Variants in ABLIM2 observed in about 807,000 individuals in gnomAD.
The protein encoded by ABLIM2 is actin binding LIM protein family member 2, also known as actin-binding LIM protein 2.
In ABLIM2, 53 loss-of-function variants were observed where a neutral mutation model predicts 97.7. That is an observed-to-expected ratio of 0.54 (90% CI 0.44 to 0.68). The LOEUF is 0.68. Among genes scored for constraint, ABLIM2 ranks in the 30% least tolerant of loss-of-function variants. ABLIM2 has a pLI of 0.00. For synonymous variants in ABLIM2, 361 were observed against 345.8 expected (o/e 1.04, Z -0.49); for missense variants, 835 against 867.2 (o/e 0.96, Z 0.47).
intron 9 of ABLIM2, among the ~76,000 whole-genome samples, chr4:8,037,499 C>A (rs1370570781): frequency 6.6e-6 from 1 of 152,068 alleles, no homozygotes; most frequent in African/African-American, 2.4e-5. Context: ...CACACACTGA[C>A]ACGTGCTCAC....
chr4:8,102,431 T>C (rs576509295), intron 2 of ABLIM2, among the ~76,000 whole-genome samples: 1 of 152,334 alleles, frequency 6.6e-6, no homozygotes, highest in Admixed American at 6.5e-5. Flanking sequence ...TTATTATCTG[T>C]CTCCTTGCAT....
intron 20 of ABLIM2, among the ~76,000 whole-genome samples, chr4:7,972,115 C>T (rs548884268): frequency 3.9e-5 from 6 of 152,312 alleles, no homozygotes; most frequent in South Asian, 4.1e-4. Flanking sequence ...GTCATAATGA[C>T]GGTGGCCATT....
At chr4:8,037,469 A>C (rs1465361125) in intron 9 of ABLIM2, among the ~76,000 whole-genome samples, 1 of 151,672 alleles carries the variant, frequency 6.6e-6, no homozygotes, top group East Asian at 1.9e-4. Context: ...CCCACATACT[A>C]GCACACACAT....
Position 8,124,871 on chromosome 4 carries a change from C to T in ABLIM2, c.11-18234G>A, listed in dbSNP as rs1271106866. ...ACCGGGTTCTGATTTCTACGCATCC[C>T]CACAGCCTGCTCTGGGTGTGCCTGC... On this transcript the variant is annotated intron_variant, in intron 1 of 20. Coordinates refer to ENST00000447017, the MANE Select transcript of ABLIM2 (RefSeq NM_001130083.2). This position sits in a 1 kb window ranked among gnomAD's most constrained non-coding sequence, Gnocchi z 6.1. 6.6e-6 allele frequency among the ~76,000 whole-genome samples: 1 copy of T among 152,056 alleles called. No individual in the cohort carries two copies. Among genetic ancestry groups the T allele is most frequent in the Non-Finnish European group, 1.5e-5 (1 of 67,998 alleles).
chr4:7,973,154 T>A (rs1411770694), intron 20 of ABLIM2, among the ~76,000 whole-genome samples: 1 of 142,838 alleles, frequency 7.0e-6, no homozygotes, highest in African/African-American at 2.6e-5. Context: ...CCAGGAAGAA[T>A]AAAGTGCATG....
chr4:8,024,064 A>T (rs1255278850), intron 12 of ABLIM2, among the ~76,000 whole-genome samples: 1 of 152,178 alleles, frequency 6.6e-6, no homozygotes, highest in Non-Finnish European at 1.5e-5. Flanking sequence ...TTTGCAGCTG[A>T]AGGAATGGCC....
chr4:8,019,107 T>C lies in ABLIM2; in HGVS notation c.1423+511A>G, dbSNP rs1771638919. ...AGCAGAGCTGGGCGTCAGCTCCTATTTGCTTATGCAAGAAATCTCCGTAAC... is the reference window on the plus strand; with the variant it reads ...AGCAGAGCTGGGCGTCAGCTCCTATCTGCTTATGCAAGAAATCTCCGTAAC... On this transcript the variant is annotated intron_variant, in intron 14 of 20. Coordinates refer to ENST00000447017, the MANE Select transcript of ABLIM2 (RefSeq NM_001130083.2). This position sits in a 1 kb window ranked among gnomAD's most constrained non-coding sequence, Gnocchi z 4.3. Among the ~76,000 whole-genome samples the C allele has an allele frequency of 6.6e-6, 1 of 152,240 alleles. No homozygotes were observed. The highest frequency in any genetic ancestry group is 2.4e-5 in the African/African-American group (1 of 41,464).
At chr4:8,029,464 T>A (rs1779444961) in intron 11 of ABLIM2, among the ~76,000 whole-genome samples, 192 bp downstream of exon 11, 1 of 150,536 alleles carries the variant, frequency 6.6e-6, no homozygotes, top group South Asian at 2.1e-4. Context: ...CATGAGGAGG[T>A]CCTTTTCTTT....
intron 12 of ABLIM2, among the ~76,000 whole-genome samples, chr4:8,027,020 GGGAGC>G (rs1161473424): frequency 6.6e-6 from 1 of 151,938 alleles, no homozygotes; most frequent in Non-Finnish European, 1.5e-5. Flanking sequence ...TGTGTGGAGA[GGGAGC>G]GAGCTTTGGC....
At chr4:8,157,188 T>C (rs1715639425) in intron 1 of ABLIM2, among the ~76,000 whole-genome samples, 1 of 151,774 alleles carries the variant, frequency 6.6e-6, no homozygotes, top group African/African-American at 2.4e-5. Flanking sequence ...ACTGCCCCAG[T>C]GCCCCCACAC....
intron 15 of ABLIM2, 34 bp from the exon 16 acceptor site, chr4:8,008,234 A>C: frequency 6.3e-7 from 1 of 1,597,626 alleles, no homozygotes; most frequent in Non-Finnish European, 8.6e-7. Context: ...GCAAATGTCA[A>C]GGTCATCTGC....
At chr4:8,099,949 A>C (rs577047518) in intron 2 of ABLIM2, among the ~76,000 whole-genome samples, 1 of 152,316 alleles carries the variant, frequency 6.6e-6, no homozygotes, top group Non-Finnish European at 1.5e-5. Flanking sequence ...TGGAGACAAC[A>C]CATTGTTCTT....
At chr4:8,151,787 G>A (rs1712895687) in intron 1 of ABLIM2, among the ~76,000 whole-genome samples, 1 of 151,178 alleles carries the variant, frequency 6.6e-6, no homozygotes, top group Admixed American at 6.6e-5. Context: ...GGGCTGGGCT[G>A]TGTAAGCAGG....
chr4:8,102,596 T>G (rs1435679022), intron 2 of ABLIM2, among the ~76,000 whole-genome samples: 1 of 152,148 alleles, frequency 6.6e-6, no homozygotes, highest in African/African-American at 2.4e-5. Flanking sequence ...CTGCCTAAGA[T>G]CCACATGAGC....
chr4:8,037,093 T>G (rs1784940236), intron 9 of ABLIM2, among the ~76,000 whole-genome samples: 1 of 152,238 alleles, frequency 6.6e-6, no homozygotes, highest in Non-Finnish European at 1.5e-5. Flanking sequence ...TATACTGTAT[T>G]ATTTAACTTA....
At chr4:8,049,991 G>A (rs1442637698) in intron 8 of ABLIM2, among the ~76,000 whole-genome samples, 1 of 152,184 alleles carries the variant, frequency 6.6e-6, no homozygotes, top group East Asian at 1.9e-4. Flanking sequence ...GCCTCCCAAG[G>A]TGCTAGGATT....
chr4:8,041,130 T>C (rs995614876), intron 9 of ABLIM2, among the ~76,000 whole-genome samples: 10 of 152,350 alleles, frequency 6.6e-5, no homozygotes, highest in Non-Finnish European at 1.0e-4. Flanking sequence ...TGAGACACAG[T>C]GCACCACGCT....
chr4:8,099,985 C>G (rs898424265), intron 2 of ABLIM2, among the ~76,000 whole-genome samples: 1 of 152,202 alleles, frequency 6.6e-6, no homozygotes, highest in Non-Finnish European at 1.5e-5. Context: ...ATTTATCAAA[C>G]TAGCACAGAC....
Position 7,970,875 on chromosome 4 carries a change from T to C in ABLIM2, c.1825-3772A>G, listed in dbSNP as rs1261374732. On this transcript the variant is annotated intron_variant, in intron 20 of 20. Coordinates refer to ENST00000447017, the MANE Select transcript of ABLIM2 (RefSeq NM_001130083.2). This position sits in a 1 kb window ranked among gnomAD's most constrained non-coding sequence, Gnocchi z 5.3. Reference sequence around the variant, plus strand: ...CATGTGGGCTGGGCCAGGCCACTCGTATGTGGCCTACAGGGCCCAGGACTT... The same window carrying C: ...CATGTGGGCTGGGCCAGGCCACTCGCATGTGGCCTACAGGGCCCAGGACTT... 6.6e-6 allele frequency among the ~76,000 whole-genome samples: 1 copy of C among 151,778 alleles called. No homozygotes were observed. Among genetic ancestry groups the C allele is most frequent in the East Asian group, 1.9e-4 (1 of 5,144 alleles).
Sources: allele counts gnomAD v4.1 joint callset (sites outside exome capture counted in the v4.1 genomes callset), GRCh38; gene constraint gnomAD v4.1.1; non-coding constraint Gnocchi (gnomAD v3.1); transcripts MANE v1.5; gene names NCBI Gene and HGNC (gene_info 2026-07-23, HGNC 2026-07-21).